BYSL: variants seen among roughly 807,000 people sequenced by gnomAD.
BYSL encodes bystin.
In BYSL, 21 loss-of-function variants were observed where a neutral mutation model predicts 45.4. The ratio of observed to expected loss-of-function variants is 0.46; its 90% CI spans 0.33 to 0.67. BYSL has a LOEUF of 0.67. Among genes scored for constraint, BYSL ranks in the 30% least tolerant of loss-of-function variants. The pLI is 0.02. For synonymous variants in BYSL, 215 were observed against 231.3 expected (o/e 0.93, Z 0.64); for missense variants, 522 against 578.5 (o/e 0.90, Z 1.00).
upstream of BYSL, among the ~76,000 whole-genome samples, chr6:41,919,627 C>T (rs1487530228): frequency 6.6e-6 from 1 of 152,126 alleles, no homozygotes; most frequent in Non-Finnish European, 1.5e-5. Context: ...GAGCTGCCTT[C>T]TCCATTTAAA....
chr6:41,917,131 G>A (rs1775335117), upstream of BYSL, among the ~76,000 whole-genome samples: 1 of 152,146 alleles, frequency 6.6e-6, no homozygotes, highest in Admixed American at 6.6e-5. Flanking sequence ...GCCAGGCGTG[G>A]TGGCTCATGC....
intron 4 of BYSL, 79 bp from the exon 5 acceptor site, chr6:41,931,317 A>G (rs564116135): frequency 4.6e-6 from 7 of 1,523,388 alleles, no homozygotes; most frequent in South Asian, 1.2e-5. Flanking sequence ...TCTTGTATGC[A>G]CTATCCATGG....
chr6:41,925,787 G>T (rs1261341274), intron 1 of BYSL, among the ~76,000 whole-genome samples: 1 of 151,924 alleles, frequency 6.6e-6, no homozygotes, highest in African/African-American at 2.4e-5. Context: ...CCGGGTTCAA[G>T]CGATTCTCAT....
Position 41,932,281 on chromosome 6 carries a change from G to C in BYSL, c.969-80G>C. ...GGCCAGCAGAGGGGAAGAAAAAAAG[G>C]GGAAAGCATAGAGGGAGAAGTAGGA... On this transcript the variant is annotated intron_variant, in intron 6 of 6. Transcript: ENST00000230340. The surrounding 1 kb of genome is among the most constrained non-coding windows in gnomAD (Gnocchi z 4.7). The C allele has an allele frequency of 7.3e-7, 1 of 1,376,016 alleles. No homozygotes were observed. The highest frequency in any genetic ancestry group is 1.0e-6 in the Non-Finnish European group (1 of 997,788). 85.2% of individuals were successfully genotyped at this position (1,376,016 alleles called of 1,614,324 possible).
Position 41,932,919 on chromosome 6 carries a change from C to T in BYSL, c.*213C>T, listed in dbSNP as rs1053137. On this transcript the variant is annotated 3_prime_UTR_variant, in exon 7 of 7. Coordinates refer to ENST00000230340, the MANE Select transcript of BYSL (RefSeq NM_004053.4). The surrounding 1 kb of genome is among the most constrained non-coding windows in gnomAD (Gnocchi z 4.7). The stretch of plus-strand genomic sequence containing the variant: ...TCTAGGCCCTTATCCCTGTTTAGTT[C>T]TGAGAGCCAACTTGAGATACCATAT... 2 of 573,764 alleles carry T rather than the reference C, an allele frequency of 3.5e-6. No homozygotes were observed. The highest frequency in any genetic ancestry group is 6.5e-5 in the Admixed American group (2 of 30,684). The allele number at this position is 573,764 out of a possible 1,614,324, so 35.5% of individuals were successfully genotyped here. A position where few individuals can be genotyped will look rare whatever the true frequency, so the allele number is the denominator to read the frequency against.
chr6:41,919,471 C>G (rs902110525), upstream of BYSL, among the ~76,000 whole-genome samples: 2 of 152,152 alleles, frequency 1.3e-5, no homozygotes, highest in African/African-American at 4.8e-5. Context: ...TGTCACTACT[C>G]TATCAGAAAA....
At chr6:41,918,919 AGTCCG>A, upstream of BYSL, among the ~76,000 whole-genome samples, 1 of 130,822 alleles carries the variant, frequency 7.6e-6, no homozygotes, top group African/African-American at 3.0e-5. Context: ...TGCAGTCCGC[AGTCCG>A]GCCTGGGCGA....
the BYSL span, among the ~76,000 whole-genome samples, chr6:41,912,123 A>G: frequency 6.7e-6 from 1 of 149,338 alleles, no homozygotes; most frequent in African/African-American, 2.5e-5. Flanking sequence ...AACACAGCTC[A>G]CTGAAGCCTC....
At chr6:41,916,817 TAA>T, upstream of BYSL, 1 of 1,614,096 alleles carries the variant, frequency 6.2e-7, no homozygotes, top group Non-Finnish European at 8.5e-7. Context: ...GGCCGTATGG[TAA>T]GTCTCACAGT....
chr6:41,930,018 G>C (rs544092309), intron 2 of BYSL, 114 bp from the exon 3 acceptor site: 165 of 1,366,924 alleles, frequency 1.2e-4, no homozygotes, highest in Admixed American at 9.1e-4. Flanking sequence ...ATCCCAGCAG[G>C]ATCGCAGTAT....
intron 1 of BYSL, among the ~76,000 whole-genome samples, chr6:41,925,341 AG>A (rs1775548054): frequency 6.6e-6 from 1 of 151,948 alleles, no homozygotes; most frequent in Non-Finnish European, 1.5e-5. Context: ...CAAAAACAGA[AG>A]TTATTTAAAT....
chr6:41,925,835 C>T (rs1010326372), intron 1 of BYSL, among the ~76,000 whole-genome samples: 19 of 152,042 alleles, frequency 1.2e-4, no homozygotes, highest in African/African-American at 1.9e-4. Flanking sequence ...TATAGGCATG[C>T]GCCACCAAGC....
upstream of BYSL, chr6:41,921,332 T>C (rs1775462111): frequency 6.4e-6 from 4 of 624,808 alleles, 1 homozygote; most frequent in South Asian, 8.5e-5. Flanking sequence ...GACTGCACTA[T>C]TGAGAGAAGC....
intron 6 of BYSL, 24 bp downstream of exon 6, chr6:41,931,854 G>C: frequency 6.3e-7 from 1 of 1,593,586 alleles, no homozygotes; most frequent in Non-Finnish European, 8.6e-7. Context: ...GGGTGGAAGG[G>C]GGCTGGTCAG....
upstream of BYSL, chr6:41,917,555 C>G (rs999418010): frequency 3.9e-5 from 13 of 331,352 alleles, no homozygotes; most frequent in South Asian, 1.4e-4. Flanking sequence ...GAATAGAGGA[C>G]CACAGTCCCT....
chr6:41,927,267 A>T (rs749730728), intron 1 of BYSL, 107 bp from the exon 2 acceptor site: 171 of 1,385,932 alleles, frequency 1.2e-4, no homozygotes, highest in Non-Finnish European at 1.6e-4. Context: ...ACCTGCGTCT[A>T]TCACAACCAC....
At chr6:41,920,122 C>A (rs1340348824), upstream of BYSL, among the ~76,000 whole-genome samples, 1 of 152,168 alleles carries the variant, frequency 6.6e-6, no homozygotes, top group Non-Finnish European at 1.5e-5. Flanking sequence ...CCTTTCCCTG[C>A]CACCTCATCT....
the BYSL span, among the ~76,000 whole-genome samples, chr6:41,910,010 A>G: frequency 1.3e-5 from 2 of 152,276 alleles, no homozygotes; most frequent in East Asian, 3.9e-4. Flanking sequence ...AAATGGTCCT[A>G]TGGAAGCAGC....
chr6:41,920,263 C>T (rs947638868), upstream of BYSL, among the ~76,000 whole-genome samples: 2 of 152,182 alleles, frequency 1.3e-5, no homozygotes, highest in Non-Finnish European at 2.9e-5. Context: ...TCCTTATTAT[C>T]AATACCCTTT....
Sources: gnomAD v4.1 joint callset for allele counts (sites outside exome capture counted in the v4.1 genomes callset) on GRCh38, gnomAD v4.1.1 for gene constraint, Gnocchi (gnomAD v3.1) non-coding constraint, MANE v1.5 for transcripts, NCBI Gene and HGNC (gene_info 2026-07-23, HGNC 2026-07-21) for gene names.